ZNF565: variants seen among roughly 807,000 people sequenced by gnomAD.
ZNF565 encodes the protein zinc finger protein 565.
In ZNF565, 27 loss-of-function variants were observed where a neutral mutation model predicts 39.4. The observed-to-expected ratio is 0.69, with a 90% CI of 0.51 to 0.95. ZNF565 has a LOEUF of 0.95. Ranked by LOEUF, ZNF565 falls within the 40% of genes least tolerant of loss-of-function variation. The pLI is 0.00. For synonymous variants in ZNF565, 185 were observed against 216.6 expected, an observed-to-expected ratio of 0.85 and a Z score of 1.28; for missense variants, 524 against 621.1, an observed-to-expected ratio of 0.84 and a Z score of 1.66.
At chr19:36,217,853 C>G (rs1398719383), upstream of ZNF565, among the ~76,000 whole-genome samples, 1 of 151,138 alleles carries the variant, frequency 6.6e-6, no homozygotes, top group African/African-American at 2.4e-5. Flanking sequence ...CCATTGCACT[C>G]CAACCTGGGC....
chr19:36,227,146 T>C (rs1977103860), intron 1 of ZNF565, among the ~76,000 whole-genome samples: 1 of 151,380 alleles, frequency 6.6e-6, no homozygotes, highest in South Asian at 2.1e-4. Context: ...CCCAGCACTT[T>C]GGGAGGCAGA....
chr19:36,194,774 C>A, intron 3 of ZNF565: 1 of 583,632 alleles, frequency 1.7e-6, no homozygotes. Context: ...CAGAAAGCAT[C>A]AGCTGGAGAT....
chr19:36,221,284 C>CTTTTTTTTTTTT (rs74172797), intron 1 of ZNF565, among the ~76,000 whole-genome samples: 1 of 98,700 alleles, frequency 1.0e-5, no homozygotes, highest in African/African-American at 4.2e-5. Flanking sequence ...TAAGGGACTG[C>CTTTTTTTTTTTT]TTTTTTTTTT....
chr19:36,227,183 G>T (rs1281382243), intron 1 of ZNF565, among the ~76,000 whole-genome samples: 1 of 151,938 alleles, frequency 6.6e-6, no homozygotes, highest in East Asian at 1.9e-4. Flanking sequence ...GAGGTCAGGG[G>T]TTCAAGACCA....
chr19:36,222,525 A>G (rs1305045916), intron 1 of ZNF565, among the ~76,000 whole-genome samples: 1 of 152,048 alleles, frequency 6.6e-6, no homozygotes, highest in African/African-American at 2.4e-5. Flanking sequence ...TTCCCCTTAA[A>G]CTCACCATGA....
At chr19:36,233,110 G>A (rs557841382) in intron 1 of ZNF565, among the ~76,000 whole-genome samples, 6 of 152,228 alleles carry the variant, frequency 3.9e-5, no homozygotes, top group Non-Finnish European at 7.3e-5. Context: ...CTGGCCAGGC[G>A]TGGTGGCTCA....
chr19:36,217,600 GA>G (rs1976664942), upstream of ZNF565, among the ~76,000 whole-genome samples: 1 of 152,114 alleles, frequency 6.6e-6, no homozygotes, highest in South Asian at 2.1e-4. Context: ...TTTGGAATAA[GA>G]AAAGGGGTAA....
chr19:36,192,163 AT>A (rs1975579611), intron 4 of ZNF565, among the ~76,000 whole-genome samples: 1 of 151,864 alleles, frequency 6.6e-6, no homozygotes, highest in Admixed American at 6.6e-5. Flanking sequence ...TAATTTTTAT[AT>A]TTTCAGTAGA....
At chr19:36,205,819 G>C (rs890147182) in intron 1 of ZNF565, among the ~76,000 whole-genome samples, 6 of 152,076 alleles carry the variant, frequency 3.9e-5, no homozygotes, top group Non-Finnish European at 8.8e-5. Context: ...ACAGGCTCTG[G>C]CATCTGACAC....
intron 1 of ZNF565, among the ~76,000 whole-genome samples, chr19:36,229,240 T>A (rs763759804): frequency 2.6e-4 from 40 of 152,224 alleles, no homozygotes; most frequent in Non-Finnish European, 1.2e-4. Flanking sequence ...ATTTTACACC[T>A]GTTCTCACAC....
At chr19:36,217,550 G>C (rs1402447010), upstream of ZNF565, among the ~76,000 whole-genome samples, 2 of 152,094 alleles carry the variant, frequency 1.3e-5, no homozygotes, top group Non-Finnish European at 2.9e-5. Flanking sequence ...TTAACTGAGA[G>C]AAAGCAAGGT....
At chr19:36,192,234 G>T (rs548248412) in intron 4 of ZNF565, among the ~76,000 whole-genome samples, 32 of 151,378 alleles carry the variant, frequency 2.1e-4, no homozygotes, top group Non-Finnish European at 4.0e-4. Context: ...TGATTCGCCC[G>T]CCTTGGCCTC....
chr19:36,242,725 G>A (rs998809194), intron 1 of ZNF565, among the ~76,000 whole-genome samples: 3 of 151,964 alleles, frequency 2.0e-5, no homozygotes, highest in African/African-American at 4.8e-5. Context: ...ACTCTGTCTC[G>A]AAAAAATAAA....
Position 36,221,534 on chromosome 19 carries a change from C to T in ZNF565, c.56-19484G>A, listed in dbSNP as rs890866264. 3.3e-5 allele frequency among the ~76,000 whole-genome samples: 5 copies of T among 151,986 alleles called. No individual in the cohort carries two copies. The East Asian group carries it at 5.8e-4, about 18-fold the overall frequency. On this transcript the variant is annotated intron_variant, in intron 1 of 4. Coordinates refer to the ZNF565 transcript ENST00000355114. ...TGATCTCCTGACCTCGTGATCCACC[C>T]GCATCAGCCTCCCAAAGTACTGGGA...
intron 1 of ZNF565, among the ~76,000 whole-genome samples, chr19:36,242,182 C>T (rs150891461): frequency 0.012 from 1,870 of 151,214 alleles, 40 homozygotes; most frequent in African/African-American, 0.042. Flanking sequence ...GAGGCCGAGG[C>T]GGGCGGATCA....
intron 2 of ZNF565, among the ~76,000 whole-genome samples, chr19:36,201,214 A>T (rs1007561543): frequency 6.6e-6 from 1 of 151,916 alleles, no homozygotes; most frequent in African/African-American, 2.4e-5. Context: ...AGGTGGGAGG[A>T]TTGCTTAAGC....
chr19:36,236,355 A>G (rs1411881860), intron 1 of ZNF565: 13 of 1,470,744 alleles, frequency 8.8e-6, no homozygotes, highest in African/African-American at 1.4e-5. Context: ...AGATGTGGAA[A>G]TATCTTCAGC....
chr19:36,208,846 T>A (rs1430319636), intron 1 of ZNF565, among the ~76,000 whole-genome samples: 1 of 152,142 alleles, frequency 6.6e-6, no homozygotes, highest in Admixed American at 6.5e-5. Context: ...ATTATTTATT[T>A]TTTTGAGGTA....
chr19:36,238,203 G>A (rs1418791640), intron 1 of ZNF565: 1 of 167,042 alleles, frequency 6.0e-6, no homozygotes, highest in Non-Finnish European at 1.5e-5. Flanking sequence ...TTGTTGAGGG[G>A]GGATCAAGTT....
Sources: gnomAD v4.1 joint callset for allele counts (sites outside exome capture counted in the v4.1 genomes callset) on GRCh38, gnomAD v4.1.1 for gene constraint, MANE v1.5 for transcripts, NCBI Gene and HGNC (gene_info 2026-07-23, HGNC 2026-07-21) for gene names.